The following FNBP1 variants were observed in gnomAD, a reference collection of about 807,000 sequenced individuals.
FNBP1 encodes the protein formin-binding protein 1.
In FNBP1, 26 loss-of-function variants were observed where a neutral mutation model predicts 90.6. The ratio of observed to expected loss-of-function variants is 0.29; its 90% CI spans 0.21 to 0.40. The LOEUF is 0.40. FNBP1 is among the 10% of genes least tolerant of loss of function. The pLI, the probability that FNBP1 is intolerant of heterozygous loss-of-function variation, is 1.00. For synonymous variants in FNBP1, 260 were observed against 265.2 expected (o/e 0.98, Z 0.19); for missense variants, 635 against 768.0 (o/e 0.83, Z 2.05).
chr9:129,900,451 T>C lies in FNBP1; in HGVS notation c.1525A>G (p.Asn509Asp), dbSNP rs1271670841. The C allele has an allele frequency of 3.7e-6, 6 of 1,603,496 alleles. No homozygotes were observed. Among genetic ancestry groups the C allele is most frequent in the Non-Finnish European group, 4.3e-6 (5 of 1,175,520 alleles). The stretch of plus-strand genomic sequence containing the variant: ...CTCTCACGGTCCTGGGCGCAGTTGT[T>C]GACTGTGGGTGGGTTCTGGCTGTCG... ...LYDSQNPPTV[N>D]NCAQDRESPD... The change falls in exon 14 of 17, where the codon AAC (asparagine) becomes GAC (aspartate). Residue 509 changes from asparagine to aspartate, a missense_variant. By Grantham distance (23) the Asn-to-Asp change is conservative. Transcript: ENST00000446176. The surrounding 1 kb of genome is among the most constrained non-coding windows in gnomAD (Gnocchi z 4.1).
intron 15 of FNBP1, 90 bp from the exon 16 acceptor site, chr9:129,896,086 G>A (rs2035688893): frequency 2.9e-6 from 4 of 1,359,640 alleles, no homozygotes; most frequent in East Asian, 2.3e-5. Flanking sequence ...AAGTGTCGTC[G>A]AAGATGAAGT....
chr9:129,897,812 A>G (rs1233268128), intron 15 of FNBP1, among the ~76,000 whole-genome samples: 1 of 152,078 alleles, frequency 6.6e-6, no homozygotes, highest in East Asian at 1.9e-4. Context: ...TTGGTTTAGA[A>G]ACACTAAGCT....
Position 129,890,542 on chromosome 9 carries a change from GGAATCTACAACACAAA to G in FNBP1, c.1847-12_1850del, listed in dbSNP as rs2034998214. 1 of 1,585,516 alleles carries G rather than the reference GGAATCTACAACACAAA, an allele frequency of 6.3e-7. No homozygotes were observed. Among genetic ancestry groups the G allele is most frequent in the Non-Finnish European group, 8.6e-7 (1 of 1,166,790 alleles). On this transcript the variant is annotated splice_acceptor_variant and splice_polypyrimidine_tract_variant and coding_sequence_variant and intron_variant, in exon 17 of 17. Coordinates refer to ENST00000446176, the MANE Select transcript of FNBP1 (RefSeq NM_015033.3). LOFTEE classifies it high-confidence loss of function. This position sits in a 1 kb window ranked among gnomAD's most constrained non-coding sequence, Gnocchi z 5.8. ...CGAGGCTCGCAGGCACTCCCCTCTA[GGAATCTACAACACAAA>G]GAGAAACAGAAAGAGAAACTCTCTG... is the stretch of plus-strand genomic sequence containing the variant.
intron 8 of FNBP1, 93 bp downstream of exon 8, chr9:129,927,102 T>G: frequency 2.5e-4 from 321 of 1,273,288 alleles, no homozygotes; most frequent in Non-Finnish European, 3.2e-4. Context: ...CCATCCACCA[T>G]GAGATGATGA....
chr9:129,887,573 G>T lies in FNBP1; in HGVS notation c.*2966C>A. ...TCTGCAATGACGGATGTTACCAAAA[G>T]GCATCGAGACCTTTGCGCTGCGCTG... is the stretch of plus-strand genomic sequence containing the variant. On this transcript the variant is annotated 3_prime_UTR_variant, in exon 17 of 17. Coordinates refer to ENST00000446176, the MANE Select transcript of FNBP1 (RefSeq NM_015033.3). 1 of 214,814 alleles carries T rather than the reference G, an allele frequency of 4.7e-6. No homozygotes were observed. 13.3% of individuals were successfully genotyped at this position (214,814 alleles called of 1,614,324 possible). A position where few individuals can be genotyped will look rare whatever the true frequency, so the allele number is the denominator to read the frequency against.
intron 4 of FNBP1, among the ~76,000 whole-genome samples, chr9:129,961,971 G>T (rs912405716): frequency 7.2e-5 from 11 of 152,316 alleles, no homozygotes; most frequent in Non-Finnish European, 1.5e-4. Context: ...TCTCCACCCT[G>T]TCTGGGTCCC....
intron 8 of FNBP1, 149 bp from the exon 9 acceptor site, chr9:129,925,306 A>G: frequency 1.6e-6 from 1 of 625,006 alleles, no homozygotes; most frequent in East Asian, 2.7e-5. Context: ...GGAGATCAAG[A>G]CCATCCTGGC....
chr9:130,028,015 C>G (rs1304348298), intron 1 of FNBP1, among the ~76,000 whole-genome samples: 1 of 152,160 alleles, frequency 6.6e-6, no homozygotes, highest in Non-Finnish European at 1.5e-5. Flanking sequence ...CCTCTACCCC[C>G]ACCTGGGCCT....
Position 129,950,793 on chromosome 9 carries a change from G to A in FNBP1, c.513+6567C>T, listed in dbSNP as rs201766379. On this transcript the variant is annotated intron_variant, in intron 6 of 16. Coordinates refer to ENST00000446176, the MANE Select transcript of FNBP1 (RefSeq NM_015033.3). The stretch of plus-strand genomic sequence containing the variant: ...CTCACAGTTTTCTCTACTACGACTT[G>A]TACCTTTTTCTTTTTTTTGAGACAG... Among the ~76,000 whole-genome samples, 7 of 151,838 alleles carry A rather than the reference G, an allele frequency of 4.6e-5. No individual in the cohort carries two copies. The East Asian group carries it at 1.3e-3, about 29-fold the overall frequency.
intron 1 of FNBP1, among the ~76,000 whole-genome samples, chr9:130,002,376 G>C (rs1161844967): frequency 1.3e-5 from 2 of 152,144 alleles, no homozygotes; most frequent in African/African-American, 2.4e-5. Flanking sequence ...CAATGTCAGA[G>C]GTGGGGCCTA....
At chr9:129,994,704 A>T in intron 2 of FNBP1, 139 bp downstream of exon 2, 1 of 410,578 alleles carries the variant, frequency 2.4e-6, no homozygotes. Flanking sequence ...CTGTATGAAA[A>T]ACAATCACTT....
chr9:130,020,962 G>C (rs1171265563), intron 1 of FNBP1, among the ~76,000 whole-genome samples: 1 of 152,034 alleles, frequency 6.6e-6, no homozygotes, highest in African/African-American at 2.4e-5. Context: ...GAAATACTCA[G>C]ATCCCTGCCT....
At position 129,903,005 on chromosome 9, in the gene FNBP1, A is replaced by C; in HGVS notation, c.1296-4T>G. Reference sequence around the variant, plus strand: ...TTTCATTTTTGTTATGGCATCTCTGAAAGAAAGAACGAGTAGAATGCTGTA... The same window carrying C: ...TTTCATTTTTGTTATGGCATCTCTGCAAGAAAGAACGAGTAGAATGCTGTA... On this transcript the variant is annotated splice_polypyrimidine_tract_variant and splice_region_variant and intron_variant, in intron 12 of 16. Transcript: ENST00000446176. 6.4e-7 allele frequency: 1 copy of C among 1,567,614 alleles called. No individual in the cohort carries two copies. Among genetic ancestry groups the C allele is most frequent in the Admixed American group, 1.9e-5 (1 of 51,868 alleles).
chr9:129,963,768 C>A (rs542245435), intron 4 of FNBP1, among the ~76,000 whole-genome samples: 3 of 152,158 alleles, frequency 2.0e-5, no homozygotes, highest in Admixed American at 6.5e-5. Flanking sequence ...GCATGCGCCA[C>A]CACGCCCGGC....
the FNBP1 span, chr9:130,053,855 C>G: frequency 2.9e-6 from 4 of 1,403,138 alleles, no homozygotes; most frequent in Admixed American, 2.0e-5. Flanking sequence ...GCCCCGCTCC[C>G]CGGGCCCTTC....
chr9:130,000,359 TGGTCACCTGTAATCCCAGCTACTCG>T (rs2054643340), intron 1 of FNBP1, among the ~76,000 whole-genome samples: 1 of 151,670 alleles, frequency 6.6e-6, no homozygotes, highest in African/African-American at 2.4e-5. Context: ...GGTGTGGTGG[TGGTCACCTGTAATCCCAGCTACTCG>T]GGAGGCTGAG....
chr9:129,899,733 A>AAAGGAAGG lies in FNBP1; in HGVS notation c.1687+224_1687+231dup, dbSNP rs926658005. 2.7e-4 allele frequency among the ~76,000 whole-genome samples: 40 copies of AAAGGAAGG among 147,782 alleles called. No individual in the cohort carries two copies. In the East Asian group the frequency reaches 7.2e-3, roughly 27 times the overall value. On this transcript the variant is annotated intron_variant, in intron 15 of 16. Transcript: ENST00000446176. Reference sequence around the variant, plus strand: ...AAGAGAGCGAGACCCTGTATGAAAAAAAGGAAGGAAGGAAGGAAGGGAAGG... The same window carrying AAAGGAAGG: ...AAGAGAGCGAGACCCTGTATGAAAAAAAGGAAGGAAGGAAGGAAGGAAGGAAGGGAAGG...
At chr9:130,000,765 C>T (rs887130003) in intron 1 of FNBP1, among the ~76,000 whole-genome samples, 2 of 152,158 alleles carry the variant, frequency 1.3e-5, no homozygotes, top group Non-Finnish European at 2.9e-5. Flanking sequence ...CCTGAAGTGA[C>T]AGGCTCACTT....
chr9:129,914,793 A>ATATATATATATATATATC (rs1173294546), intron 11 of FNBP1: 2 of 161,446 alleles, frequency 1.2e-5, no homozygotes, highest in Non-Finnish European at 2.6e-5. Context: ...ATATATATAT[A>ATATATATATATATATATC]TCTCACCATA....
Sources: allele counts gnomAD v4.1 joint callset (sites outside exome capture counted in the v4.1 genomes callset), GRCh38; gene constraint gnomAD v4.1.1; non-coding constraint Gnocchi (gnomAD v3.1); transcripts MANE v1.5; gene names NCBI Gene and HGNC (gene_info 2026-07-23, HGNC 2026-07-21).